The following PCDH10 variants were observed in gnomAD, a reference collection of about 807,000 sequenced individuals.
The protein encoded by PCDH10 is protocadherin 10.
In PCDH10, 15 loss-of-function variants were observed where a neutral mutation model predicts 74.4. The observed-to-expected ratio is 0.20, with a 90% CI of 0.13 to 0.31. PCDH10 has a LOEUF of 0.31. Ranked by LOEUF, PCDH10 falls within the 10% of genes least tolerant of loss-of-function variation. PCDH10 has a pLI of 1.00. For missense variants in PCDH10, 1,260 were observed against 1,390.2 expected, an observed-to-expected ratio of 0.91 and a Z score of 1.49; for synonymous variants, 619 against 589.8, an observed-to-expected ratio of 1.05 and a Z score of -0.72.
At chr4:133,167,136 A>T (rs1282897995) in intron 4 of PCDH10, among the ~76,000 whole-genome samples, 1 of 151,396 alleles carries the variant, frequency 6.6e-6, no homozygotes, top group African/African-American at 2.4e-5. Context: ...TATGATGATT[A>T]AAAAAATAAA....
chr4:133,199,495 G>A (rs1727859900), downstream of PCDH10, among the ~76,000 whole-genome samples: 1 of 150,364 alleles, frequency 6.7e-6, no homozygotes, highest in South Asian at 2.1e-4. Context: ...CATTTCGGGG[G>A]GACAAATAGG....
chr4:133,185,478 C>T (rs1727526480), intron 4 of PCDH10, among the ~76,000 whole-genome samples: 1 of 152,122 alleles, frequency 6.6e-6, no homozygotes, highest in African/African-American at 2.4e-5. Flanking sequence ...AATGGATTAA[C>T]TGTACAAATT....
chr4:133,150,096 G>T lies in PCDH10; in HGVS notation c.-45G>T, dbSNP rs748098210. ...TTTCGTGGTGGTGGGGGAGGTGATT[G>T]GGTGGCTGACTGGCTGCGGGAAGCT... On this transcript the variant is annotated 5_prime_UTR_variant, in exon 1 of 5. Transcript: ENST00000264360. 1 of 1,465,762 alleles carries T rather than the reference G, an allele frequency of 6.8e-7. No homozygotes were observed. 90.8% of individuals were successfully genotyped at this position (1,465,762 alleles called of 1,614,324 possible). A position where few individuals can be genotyped will look rare whatever the true frequency, so the allele number is the denominator to read the frequency against.
At position 133,150,350 on chromosome 4, in the gene PCDH10, A is replaced by G; in HGVS notation, c.210A>G (p.Thr70=). ...RTPYLDLNLE[T]GVLYVNEKID... ...CTTACTTAGACCTCAACCTGGAGAC[A>G]GGGGTGCTGTACGTGAACGAGAAAA... The change falls in exon 1 of 5, where the codon ACA becomes ACG. Residue 70 remains threonine (T), a synonymous_variant. Coordinates refer to ENST00000264360, the MANE Select transcript of PCDH10 (RefSeq NM_032961.3). 1 of 1,613,848 alleles carries G rather than the reference A, an allele frequency of 6.2e-7. No individual in the cohort carries two copies. The highest frequency in any genetic ancestry group is 8.5e-7 in the Non-Finnish European group (1 of 1,179,902).
Position 133,190,217 on chromosome 4 carries a change from AG to A in PCDH10, c.*58del. On this transcript the variant is annotated 3_prime_UTR_variant, in exon 5 of 5. Coordinates refer to ENST00000264360, the MANE Select transcript of PCDH10 (RefSeq NM_032961.3). ...GATTTGCACAAAGTCGACCAACAAA[AG>A]CATCAACTTTTCAACTTCATTATCT... 1.3e-6 allele frequency: 2 copies of A among 1,507,396 alleles called. No individual in the cohort carries two copies. The highest frequency in any genetic ancestry group is 2.3e-5 in the South Asian group (2 of 88,830). 93.4% of individuals were successfully genotyped at this position (1,507,396 alleles called of 1,614,324 possible). A position where few individuals can be genotyped will look rare whatever the true frequency, so the allele number is the denominator to read the frequency against.
Position 133,154,944 on chromosome 4 carries a change from A to T in PCDH10, c.2718A>T (p.Val906=). The T allele has an allele frequency of 6.2e-7, 1 of 1,613,162 alleles. No individual in the cohort carries two copies. Among genetic ancestry groups the T allele is most frequent in the East Asian group, 2.2e-5 (1 of 44,860 alleles). The change falls in exon 3 of 5, where the codon GTA becomes GTT. Residue 906 remains valine, a synonymous_variant. Transcript: ENST00000264360. ...NSSAFQEADI[V]SSKDSGHGDS... is the part of the protein sequence containing the mutation. ...CTGCATTCCAGGAAGCCGACATAGT[A>T]AGCTCTAAGGACAGTGGTCATGGAG... is the stretch of plus-strand genomic sequence containing the variant.
rs954620522 is a variant in PCDH10, at chr4:133,190,880, A to G, written c.*720A>G. The G allele has an allele frequency of 4.6e-5, 7 of 152,378 alleles. No homozygotes were observed. Among genetic ancestry groups the G allele is most frequent in the African/African-American group, 1.7e-4 (7 of 41,560 alleles). The allele number at this position is 152,378 out of a possible 1,614,324, so 9.4% of individuals were successfully genotyped here. Reference sequence around the variant, plus strand: ...AATTCAGGGTCCCAAAGACAAACTTACTAAGAAAAAATCATTAATAGTTTT... The same window carrying G: ...AATTCAGGGTCCCAAAGACAAACTTGCTAAGAAAAAATCATTAATAGTTTT... On this transcript the variant is annotated 3_prime_UTR_variant, in exon 5 of 5. Transcript: ENST00000264360.
In PCDH10 at chr4:133,151,548, G is replaced by T. The variant is rs1365644835; in HGVS notation, c.1408G>T (p.Val470Leu). Residue 470 changes from valine (V) to leucine (L), a missense_variant, in exon 1 of 5, where the codon GTG becomes TTG. Coordinates refer to ENST00000264360, the MANE Select transcript of PCDH10 (RefSeq NM_032961.3). ...GCGTTTCAGCCAGCCGGTCTACGAC[G>T]TGTATGTGACTGAAAACAACGTGCC... is the stretch of plus-strand genomic sequence containing the variant. ...APRFSQPVYDVYVTENNVPGA... is the reference protein window; with the variant it reads ...APRFSQPVYDLYVTENNVPGA... 1 of 1,614,126 alleles carries T rather than the reference G, an allele frequency of 6.2e-7. No homozygotes were observed. The highest frequency in any genetic ancestry group is 8.5e-7 in the Non-Finnish European group (1 of 1,180,040).
chr4:133,164,047 T>C (rs1216901577), intron 4 of PCDH10: 1 of 455,918 alleles, frequency 2.2e-6, no homozygotes, highest in South Asian at 1.6e-5. Flanking sequence ...GCATACATTG[T>C]AGTGACAACA....
intron 4 of PCDH10, among the ~76,000 whole-genome samples, chr4:133,181,900 G>A (rs984386504): frequency 1.3e-5 from 2 of 152,006 alleles, no homozygotes; most frequent in African/African-American, 4.8e-5. Context: ...TACCAACCCA[G>A]AACTTCCAAT....
At chr4:133,169,516 T>A (rs1727159174) in intron 4 of PCDH10, among the ~76,000 whole-genome samples, 1 of 151,876 alleles carries the variant, frequency 6.6e-6, no homozygotes, top group Non-Finnish European at 1.5e-5. Flanking sequence ...TTTATATACC[T>A]CATTTTATAT....
chr4:133,190,177 T>TA lies in PCDH10; in HGVS notation c.*18dup, dbSNP rs756021822. ...ATATGCTAGTCAATTCTACAGGACTTACCTGAAGCAGCATGATTTGCACAA... is the reference window on the plus strand; with the variant it reads ...ATATGCTAGTCAATTCTACAGGACTTAACCTGAAGCAGCATGATTTGCACAA... On this transcript the variant is annotated 3_prime_UTR_variant, in exon 5 of 5. Coordinates refer to ENST00000264360, the MANE Select transcript of PCDH10 (RefSeq NM_032961.3). 2 of 1,608,074 alleles carry TA rather than the reference T, an allele frequency of 1.2e-6. No individual in the cohort carries two copies. The highest frequency in any genetic ancestry group is 1.7e-5 in the Admixed American group (1 of 59,882).
In PCDH10 at chr4:133,191,156, T is replaced by C. The variant is rs572784553; in HGVS notation, c.*996T>C. ...TTTATAAAGAATCGATAAATTCACC[T>C]GTATTTGTTGTTAGAAAAAAACTGG... On this transcript the variant is annotated 3_prime_UTR_variant, in exon 5 of 5. Coordinates refer to ENST00000264360, the MANE Select transcript of PCDH10 (RefSeq NM_032961.3). The C allele has an allele frequency of 4.0e-3, 614 of 152,550 alleles. 1 individual carries two copies. The highest frequency in any genetic ancestry group is 0.02 in the Middle Eastern group (6 of 294). 9.4% of individuals were successfully genotyped at this position (152,550 alleles called of 1,614,324 possible).
At chr4:133,168,503 A>T (rs1465938344) in intron 4 of PCDH10, among the ~76,000 whole-genome samples, 1 of 151,582 alleles carries the variant, frequency 6.6e-6, no homozygotes, top group Non-Finnish European at 1.5e-5. Context: ...ATGACTTCAA[A>T]TTGAATTGAC....
chr4:133,207,339 A>G (rs1051022495), intron 2 of PCDH10, among the ~76,000 whole-genome samples: 13 of 152,330 alleles, frequency 8.5e-5, no homozygotes, highest in African/African-American at 2.9e-4. Flanking sequence ...GGCAACTAGC[A>G]AGCTTCAATA....
At chr4:133,194,790 C>T (rs1265779263), downstream of PCDH10, 1 of 151,848 alleles carries the variant, frequency 6.6e-6, no homozygotes, top group African/African-American at 2.4e-5. Flanking sequence ...GCAGCATATG[C>T]TAGGTTTTAA....
chr4:133,181,611 G>T (rs1274560002), intron 4 of PCDH10, among the ~76,000 whole-genome samples: 1 of 152,010 alleles, frequency 6.6e-6, no homozygotes, highest in Admixed American at 6.6e-5. Context: ...AACTCAAGGG[G>T]TTATCAGAAC....
Position 133,206,397 on chromosome 4 carries a change from T to A in PCDH10, n.438-1679T>A, listed in dbSNP as rs531601303. Among the ~76,000 whole-genome samples, 3 of 152,302 alleles carry A rather than the reference T, an allele frequency of 2.0e-5. No homozygotes were observed. In the East Asian group the frequency reaches 5.8e-4, roughly 29 times the overall value. On this transcript the variant is annotated intron_variant and non_coding_transcript_variant, in intron 2 of 2. Coordinates refer to the PCDH10 transcript ENST00000511112. ...TGATCACCTATATGTGCACAGTTGA[T>A]GAGGACATCTGGGAGGTCTAACTGC...
chr4:133,154,478 AG>A, intron 2 of PCDH10, 113 bp downstream of exon 2: 1 of 614,956 alleles, frequency 1.6e-6, no homozygotes, highest in South Asian at 2.4e-5. Context: ...TTTTCAATTA[AG>A]GCAGGACATA....
Sources: gnomAD v4.1 joint callset for allele counts (sites outside exome capture counted in the v4.1 genomes callset) on GRCh38, gnomAD v4.1.1 for gene constraint, MANE v1.5 for transcripts, NCBI Gene and HGNC (gene_info 2026-07-23, HGNC 2026-07-21) for gene names.